The following LHFPL2 variants were observed in gnomAD, a reference collection of about 807,000 sequenced individuals.
LHFPL2 encodes the protein LHFPL tetraspan subfamily member 2.
Under a neutral mutation model 17.5 loss-of-function variants are expected in LHFPL2, and 7 were observed. The observed-to-expected ratio is 0.40, with a 90% CI of 0.23 to 0.75. The LOEUF is 0.75. Ranked by LOEUF, LHFPL2 falls within the 30% of genes least tolerant of loss-of-function variation. The probability of loss-of-function intolerance (pLI) is 0.37; values close to 1 mark genes in which losing one functional copy is unlikely to be tolerated. For synonymous variants in LHFPL2, 134 were observed against 116.2 expected (o/e 1.15, Z -0.99); for missense variants, 241 against 294.8 (o/e 0.82, Z 1.34).
At position 78,487,740 on chromosome 5, in the gene LHFPL2, T is replaced by C. The variant is rs1414845438; in HGVS notation, c.*1157A>G. 1.3e-5 allele frequency: 2 copies of C among 152,224 alleles called. No homozygotes were observed. Among genetic ancestry groups the C allele is most frequent in the African/African-American group, 4.8e-5 (2 of 41,454 alleles). 9.4% of individuals were successfully genotyped at this position (152,224 alleles called of 1,614,324 possible). ...CTTGATCTAGCGCCTCTTTTTGAAT[T>C]AACTTTGTCCTCTGTGCTTTCCTGG... On this transcript the variant is annotated 3_prime_UTR_variant, in exon 5 of 5. Transcript: ENST00000380345.
intron 4 of LHFPL2, among the ~76,000 whole-genome samples, chr5:78,502,540 C>G (rs1561308435): frequency 6.6e-6 from 1 of 152,188 alleles, no homozygotes; most frequent in Non-Finnish European, 1.5e-5. Context: ...ACTGAAAGAA[C>G]TTTATGAAAT....
chr5:78,604,828 T>C (rs892276827), intron 2 of LHFPL2, among the ~76,000 whole-genome samples: 2 of 152,242 alleles, frequency 1.3e-5, no homozygotes, highest in Non-Finnish European at 2.9e-5. Flanking sequence ...AACATTCCTT[T>C]AATCCTTTTG....
At chr5:78,569,317 A>T (rs1031740133) in intron 2 of LHFPL2, among the ~76,000 whole-genome samples, 1 of 152,230 alleles carries the variant, frequency 6.6e-6, no homozygotes, top group African/African-American at 2.4e-5. Context: ...AACTAAAGGA[A>T]TAATTGTCCA....
rs529729222 is a variant in LHFPL2 at position 78,547,390 on chromosome 5, T to A, written c.-186+17423A>T. ...TTACATCAACTCCCCAAAAGCAATG[T>A]CCTAGGACCACAGTGTTTACATGGC... On this transcript the variant is annotated intron_variant, in intron 3 of 4. Coordinates refer to ENST00000380345, the MANE Select transcript of LHFPL2 (RefSeq NM_005779.3). Among the ~76,000 whole-genome samples the A allele has an allele frequency of 2.6e-5, 4 of 152,300 alleles. No homozygotes were observed. The South Asian group carries it at 8.3e-4, about 32-fold the overall frequency.
intron 2 of LHFPL2, among the ~76,000 whole-genome samples, chr5:78,591,757 G>A (rs1049941403): frequency 5.9e-5 from 9 of 152,204 alleles, no homozygotes; most frequent in African/African-American, 2.2e-4. Context: ...GGGAGGAGAA[G>A]CCAGGAGACC....
intron 2 of LHFPL2, among the ~76,000 whole-genome samples, chr5:78,610,866 C>A (rs113090037): frequency 6.6e-6 from 1 of 151,196 alleles, no homozygotes; most frequent in Non-Finnish European, 1.5e-5. Flanking sequence ...AATATTCTGA[C>A]ACATATCATG....
intron 3 of LHFPL2, among the ~76,000 whole-genome samples, chr5:78,556,010 C>A (rs1395284850): frequency 6.6e-6 from 1 of 152,026 alleles, no homozygotes. Context: ...ATCAAAAGTA[C>A]CAGGGCAGGA....
intron 1 of LHFPL2, among the ~76,000 whole-genome samples, chr5:78,646,933 A>T (rs1003219404): frequency 2.0e-5 from 3 of 152,228 alleles, no homozygotes; most frequent in African/African-American, 7.2e-5. Context: ...CTCTGAAGAC[A>T]AATGACTGCC....
chr5:78,585,600 A>T (rs1743356502), intron 2 of LHFPL2, among the ~76,000 whole-genome samples: 1 of 152,030 alleles, frequency 6.6e-6, no homozygotes, highest in African/African-American at 2.4e-5. Context: ...TGCATACTGG[A>T]GTTGTTCCTA....
At chr5:78,633,431 A>T (rs1211609053) in intron 1 of LHFPL2, among the ~76,000 whole-genome samples, 3 of 152,236 alleles carry the variant, frequency 2.0e-5, no homozygotes, top group Non-Finnish European at 4.4e-5. Context: ...TCACCTGGGA[A>T]CGTGTCAGAA....
chr5:78,488,973 T>C lies in LHFPL2; in HGVS notation c.611A>G (p.Gln204Arg), dbSNP rs770177220. 2.5e-6 allele frequency: 4 copies of C among 1,614,208 alleles called. No homozygotes were observed. Among genetic ancestry groups the C allele is most frequent in the Non-Finnish European group, 3.4e-6 (4 of 1,180,028 alleles). Residue 204 changes from glutamine to arginine, a missense_variant, in exon 5 of 5, where the codon CAA becomes CGA. Transcript: ENST00000380345. ...GTCACTAGAGGTTGCAATTTCTGCT[T>C]GTGCAGAGAAGACAGCACAGATGAA... ...LTFICAVFSA[Q>R]AEIATSSDKV... is the part of the protein sequence containing the mutation.
At chr5:78,636,406 T>G (rs1406625311) in intron 1 of LHFPL2, among the ~76,000 whole-genome samples, 1 of 152,238 alleles carries the variant, frequency 6.6e-6, no homozygotes, top group African/African-American at 2.4e-5. Context: ...TATATCCAGC[T>G]GATCCCCCCA....
intron 3 of LHFPL2, among the ~76,000 whole-genome samples, chr5:78,531,792 G>C (rs1346021054): frequency 1.3e-5 from 2 of 152,114 alleles, no homozygotes; most frequent in Non-Finnish European, 2.9e-5. Flanking sequence ...ACAGGGTCTC[G>C]ATCTGTCTCT....
intron 3 of LHFPL2, among the ~76,000 whole-genome samples, chr5:78,511,093 A>G (rs924934560): frequency 8.1e-6 from 1 of 123,198 alleles, no homozygotes; most frequent in Non-Finnish European, 1.8e-5. Flanking sequence ...ACACTAATTA[A>G]AACTCAGAGG....
chr5:78,573,065 A>C (rs1487954511), intron 2 of LHFPL2, among the ~76,000 whole-genome samples: 1 of 152,084 alleles, frequency 6.6e-6, no homozygotes, highest in Non-Finnish European at 1.5e-5. Flanking sequence ...AGGCTTGGGC[A>C]CCCAAGACCT....
chr5:78,523,459 G>C (rs1313805329), intron 3 of LHFPL2, among the ~76,000 whole-genome samples: 1 of 152,144 alleles, frequency 6.6e-6, no homozygotes, highest in Non-Finnish European at 1.5e-5. Flanking sequence ...GAAGGCGGGA[G>C]GACCAGAATG....
chr5:78,548,302 G>C (rs2112388342), intron 3 of LHFPL2, among the ~76,000 whole-genome samples: 1 of 152,354 alleles, frequency 6.6e-6, no homozygotes, highest in African/African-American at 2.4e-5. Flanking sequence ...GAAGGTAGTG[G>C]ATGTTGTATC....
At chr5:78,503,432 T>C (rs1482956539) in intron 4 of LHFPL2, among the ~76,000 whole-genome samples, 1 of 152,200 alleles carries the variant, frequency 6.6e-6, no homozygotes, top group Middle Eastern at 3.2e-3. Flanking sequence ...GTGCGGTGGC[T>C]CTGCCTGTAA....
rs1012452059 is a variant in LHFPL2 at position 78,599,347 on chromosome 5, T to C, written c.-245+32917A>G. Among the ~76,000 whole-genome samples the C allele has an allele frequency of 4.7e-4, 72 of 152,280 alleles. 2 individuals are homozygous for C. The highest frequency in any genetic ancestry group is 4.7e-3 in the Admixed American group (72 of 15,282). On this transcript the variant is annotated intron_variant, in intron 2 of 4. Coordinates refer to ENST00000380345, the MANE Select transcript of LHFPL2 (RefSeq NM_005779.3). ...AGAGTTTTGCTCTTGTTGCCCAGGC[T>C]GGAGTGCAGTGGCTCAATCTCGGCT...
Sources: gnomAD v4.1 joint callset for allele counts (sites outside exome capture counted in the v4.1 genomes callset) on GRCh38, gnomAD v4.1.1 for gene constraint, MANE v1.5 for transcripts, NCBI Gene and HGNC (gene_info 2026-07-23, HGNC 2026-07-21) for gene names.